PLXNA2: variants seen among roughly 807,000 people sequenced by gnomAD.
The protein encoded by PLXNA2 is plexin A2, also known as plexin-A2.
In PLXNA2, 91 loss-of-function variants were observed where a neutral mutation model predicts 193.5. The observed-to-expected ratio is 0.47, with a 90% confidence interval of 0.40 to 0.56. The LOEUF is 0.56. PLXNA2 is among the 20% of genes least tolerant of loss of function. PLXNA2 has a pLI of 0.00. For synonymous variants in PLXNA2, 997 were observed against 1,027.3 expected, an observed-to-expected ratio of 0.97 and a Z score of 0.56; for missense variants, 1,995 against 2,503.2, an observed-to-expected ratio of 0.80 and a Z score of 4.33.
At chr1:208,047,787 C>G (rs969269725) in intron 17 of PLXNA2, among the ~76,000 whole-genome samples, 1 of 152,244 alleles carries the variant, frequency 6.6e-6, no homozygotes, top group South Asian at 2.1e-4. Flanking sequence ...GAGATTATGT[C>G]AGAGCTTCAA....
chr1:208,236,806 C>T lies in PLXNA2; in HGVS notation c.-81+6837G>A, dbSNP rs576816281. On this transcript the variant is annotated intron_variant, in intron 1 of 31. Coordinates refer to ENST00000367033, the MANE Select transcript of PLXNA2 (RefSeq NM_025179.4). This position sits in a 1 kb window ranked among gnomAD's most constrained non-coding sequence, Gnocchi z 4.4. ...TACATTGTGGAGGGGGCAAGAACTC[C>T]TTCTCTTCGGAAATACAAGACTACA... 4.6e-5 allele frequency among the ~76,000 whole-genome samples: 7 copies of T among 152,162 alleles called. No individual in the cohort carries two copies. The highest frequency in any genetic ancestry group is 8.8e-5 in the Non-Finnish European group (6 of 68,028).
At chr1:208,210,043 G>T in intron 3 of PLXNA2, 3 of 134,246 alleles carry the variant, frequency 2.2e-5, no homozygotes, top group Non-Finnish European at 4.2e-5. Context: ...TTTTCTTAAA[G>T]TTTGGGAAAT....
chr1:208,187,842 C>A (rs1022603532), intron 3 of PLXNA2, among the ~76,000 whole-genome samples: 2 of 152,180 alleles, frequency 1.3e-5, no homozygotes, highest in Admixed American at 1.3e-4. Context: ...CAGCACTAAC[C>A]CTTACATTTG....
At chr1:208,046,899 T>C (rs1204795991) in intron 17 of PLXNA2, among the ~76,000 whole-genome samples, 1 of 151,838 alleles carries the variant, frequency 6.6e-6, no homozygotes, top group African/African-American at 2.4e-5. Flanking sequence ...ATGTAGTAGG[T>C]GTTCAGTTAA....
At chr1:208,052,177 C>G in intron 15 of PLXNA2, 150 bp downstream of exon 15, 1 of 700,644 alleles carries the variant, frequency 1.4e-6, no homozygotes. Context: ...GCATATATTT[C>G]TCACAGTGAC....
chr1:208,236,644 G>A lies in PLXNA2; in HGVS notation c.-81+6999C>T, dbSNP rs139790442. On this transcript the variant is annotated intron_variant, in intron 1 of 31. Transcript: ENST00000367033. This position sits in a 1 kb window ranked among gnomAD's most constrained non-coding sequence, Gnocchi z 4.4. ...TCTGAGCTGTCCCTGGCGTGTTCTC[G>A]TTCACTCAGTGAGTTGTCTACCACT... Among the ~76,000 whole-genome samples the A allele has an allele frequency of 6.6e-4, 100 of 152,266 alleles. No individual in the cohort carries two copies. The highest frequency in any genetic ancestry group is 2.3e-3 in the African/African-American group (95 of 41,556).
At chr1:208,148,776 G>A (rs1455794988) in intron 3 of PLXNA2, among the ~76,000 whole-genome samples, 4 of 152,192 alleles carry the variant, frequency 2.6e-5, no homozygotes, top group Admixed American at 2.6e-4. Flanking sequence ...ACCAGCACGG[G>A]GGGCGGAGCA....
intron 3 of PLXNA2, among the ~76,000 whole-genome samples, chr1:208,170,874 C>G (rs895240711): frequency 6.6e-6 from 1 of 152,126 alleles, no homozygotes; most frequent in African/African-American, 2.4e-5. Flanking sequence ...AGTCCTTGCT[C>G]TCAAGAATCC....
intron 29 of PLXNA2, 168 bp downstream of exon 29, chr1:208,031,422 G>T: frequency 7.6e-7 from 1 of 1,315,206 alleles, no homozygotes; most frequent in Non-Finnish European, 1.0e-6. Flanking sequence ...GCTGGGGACC[G>T]TGTGGGCTCT....
In PLXNA2 at chr1:208,096,067, G is replaced by A. The variant is rs747915596; in HGVS notation, c.1944C>T (p.Ser648=). ...RSKETGKIFV[S]TEFKFYNCSA... ...TGCAGTTGTAAAACTTGAACTCGGT[G>A]CTGACAAATATCTTCCCTGTCTCCT... The change falls in exon 8 of 32, where the codon AGC becomes AGT. Residue 648 remains serine, a synonymous_variant. Transcript: ENST00000367033. 4.3e-6 allele frequency: 7 copies of A among 1,614,062 alleles called. No individual in the cohort carries two copies. The highest frequency in any genetic ancestry group is 5.9e-6 in the Non-Finnish European group (7 of 1,179,940).
At chr1:208,231,383 G>A (rs1286362762) in intron 1 of PLXNA2, among the ~76,000 whole-genome samples, 1 of 151,996 alleles carries the variant, frequency 6.6e-6, no homozygotes, top group Non-Finnish European at 1.5e-5. Flanking sequence ...GAATGTGGAG[G>A]TCAAGGAGCA....
chr1:208,169,992 C>T (rs1451576312), intron 3 of PLXNA2, among the ~76,000 whole-genome samples: 1 of 152,168 alleles, frequency 6.6e-6, no homozygotes, highest in African/African-American at 2.4e-5. Context: ...AAGAACTTTC[C>T]CAGCTAGGCG....
intron 3 of PLXNA2, among the ~76,000 whole-genome samples, chr1:208,187,002 T>C (rs1324838993): frequency 6.6e-6 from 1 of 151,804 alleles, no homozygotes; most frequent in Non-Finnish European, 1.5e-5. Flanking sequence ...ATTACAGGCG[T>C]GAGCCACCGC....
At chr1:208,152,712 C>CACACAG in intron 3 of PLXNA2, among the ~76,000 whole-genome samples, 1 of 151,982 alleles carries the variant, frequency 6.6e-6, no homozygotes, top group East Asian at 1.9e-4. Flanking sequence ...CACACACACA[C>CACACAG]ACACACCACC....
At chr1:208,190,091 G>C (rs1290719568) in intron 3 of PLXNA2, among the ~76,000 whole-genome samples, 2 of 152,114 alleles carry the variant, frequency 1.3e-5, no homozygotes, top group Non-Finnish European at 2.9e-5. Flanking sequence ...GATTTTGTTC[G>C]ATTGTGTATG....
rs74153094 is a variant in PLXNA2, at chr1:208,175,004, G to A, written c.1372-32541C>T. Among the ~76,000 whole-genome samples, 5 of 152,254 alleles carry A rather than the reference G, an allele frequency of 3.3e-5. No individual in the cohort carries two copies. The East Asian group carries it at 7.7e-4, about 24-fold the overall frequency. ...CCCTGGCCATTTGCTGCCTCTGGGG[G>A]AGCTGGGACAGGTGGGAGCCAGCTG... On this transcript the variant is annotated intron_variant, in intron 3 of 31. Coordinates refer to ENST00000367033, the MANE Select transcript of PLXNA2 (RefSeq NM_025179.4).
chr1:208,057,608 G>A (rs1571869884), intron 13 of PLXNA2, among the ~76,000 whole-genome samples: 1 of 152,170 alleles, frequency 6.6e-6, no homozygotes, highest in East Asian at 1.9e-4. Flanking sequence ...TTGATTTCTT[G>A]TGGTTTGATT....
Position 208,079,468 on chromosome 1 carries a change from G to A in PLXNA2, c.2396-18C>T. 2 of 1,543,268 alleles carry A rather than the reference G, an allele frequency of 1.3e-6. No individual in the cohort carries two copies. Among genetic ancestry groups the A allele is most frequent in the Non-Finnish European group, 8.8e-7 (1 of 1,134,946 alleles). Reference sequence around the variant, plus strand: ...GAGATGGACTGCAAAGAGAGCAGGTGGTCACAGATGAAACCAGAAAGGGCT... The same window carrying A: ...GAGATGGACTGCAAAGAGAGCAGGTAGTCACAGATGAAACCAGAAAGGGCT... On this transcript the variant is annotated intron_variant, in intron 11 of 31. Transcript: ENST00000367033.
At chr1:208,050,829 A>T (rs1477943685) in intron 17 of PLXNA2, among the ~76,000 whole-genome samples, 180 bp downstream of exon 17, 1 of 146,042 alleles carries the variant, frequency 6.8e-6, no homozygotes, top group Non-Finnish European at 1.5e-5. Context: ...GCCATGTCTT[A>T]AAAAAAAAAA....
Sources: gnomAD v4.1 joint callset for allele counts (sites outside exome capture counted in the v4.1 genomes callset) on GRCh38, gnomAD v4.1.1 for gene constraint, Gnocchi (gnomAD v3.1) non-coding constraint, MANE v1.5 for transcripts, NCBI Gene and HGNC (gene_info 2026-07-23, HGNC 2026-07-21) for gene names.